The following SGMS1 variants were observed in gnomAD, a reference collection of about 807,000 sequenced individuals.
The protein encoded by SGMS1 is sphingomyelin synthase 1, also known as phosphatidylcholine:ceramide cholinephosphotransferase 1.
SGMS1 carries 13 observed loss-of-function variants against 46.2 expected under a neutral mutation model. The ratio of observed to expected loss-of-function variants is 0.28; its 90% confidence interval spans 0.18 to 0.45. The LOEUF (loss-of-function observed/expected upper bound fraction) is 0.45, where lower values mean the gene tolerates loss of function less well. Ranked by LOEUF, SGMS1 falls within the 20% of genes least tolerant of loss-of-function variation. The pLI is 1.00. For missense variants in SGMS1, 324 were observed against 519.9 expected, an observed-to-expected ratio of 0.62 and a Z score of 3.66; for synonymous variants, 203 against 187.8, an observed-to-expected ratio of 1.08 and a Z score of -0.66.
At position 50,389,834 on chromosome 10, in the gene SGMS1, C is replaced by T. The variant is rs189343096; in HGVS notation, c.-232+43642G>A. Among the ~76,000 whole-genome samples, 629 of 152,280 alleles carry T rather than the reference C, an allele frequency of 4.1e-3. 3 individuals carry two copies. The highest frequency in any genetic ancestry group is 7.2e-3 in the Non-Finnish European group (492 of 68,024). On this transcript the variant is annotated intron_variant, in intron 6 of 10. Coordinates refer to ENST00000361781, the MANE Select transcript of SGMS1 (RefSeq NM_147156.4). ...GTACAAAAATAAATAAATAAATAAA[C>T]TGTTCCTAAGCAATTTAGGAATCAT...
At chr10:50,467,101 T>A (rs140516385) in intron 3 of SGMS1, among the ~76,000 whole-genome samples, 169 bp from the exon 4 acceptor site, 46 of 152,174 alleles carry the variant, frequency 3.0e-4, no homozygotes, top group African/African-American at 1.1e-3. Flanking sequence ...GTCATGGTAT[T>A]CAGAGTACAC....
At chr10:50,495,264 A>G (rs1386609509) in intron 3 of SGMS1, among the ~76,000 whole-genome samples, 2 of 84,766 alleles carry the variant, frequency 2.4e-5, no homozygotes, top group Admixed American at 1.3e-4. Context: ...AAAGTTAAGA[A>G]AAAAAAAAAA....
intron 2 of SGMS1, among the ~76,000 whole-genome samples, chr10:50,565,943 C>T (rs1328059859): frequency 6.6e-6 from 1 of 152,224 alleles, no homozygotes; most frequent in Non-Finnish European, 1.5e-5. Context: ...CTTACAGTGT[C>T]TGAACAGTGT....
chr10:50,320,975 G>A (rs967733835), intron 8 of SGMS1, among the ~76,000 whole-genome samples: 1 of 152,202 alleles, frequency 6.6e-6, no homozygotes, highest in East Asian at 1.9e-4. Context: ...AGAGGGAGAA[G>A]GCGCTTGTCT....
chr10:50,577,191 A>G (rs1469644798), intron 2 of SGMS1, among the ~76,000 whole-genome samples: 2 of 152,212 alleles, frequency 1.3e-5, no homozygotes, highest in Non-Finnish European at 2.9e-5. Context: ...CACTTGTGGC[A>G]GAGGCAACAA....
In SGMS1 at chr10:50,587,635, G is replaced by A. The variant is rs12766096; in HGVS notation, c.-589+2518C>T. The stretch of plus-strand genomic sequence containing the variant: ...CAAGACTGCATCTCAAAATATATAT[G>A]TGTGTGTGTGTGTGTGTGTGTGTGT... On this transcript the variant is annotated intron_variant, in intron 2 of 10. Transcript: ENST00000361781. Among the ~76,000 whole-genome samples the A allele has an allele frequency of 0.013, 1,045 of 81,448 alleles. 9 individuals are homozygous for A. The East Asian group carries it at 0.15, about 12-fold the overall frequency. 53.4% of individuals were successfully genotyped at this position (81,448 alleles called of 152,430 possible).
chr10:50,500,790 T>C lies in SGMS1; in HGVS notation c.-498+19041A>G, dbSNP rs1436416823. Among the ~76,000 whole-genome samples, 4 of 152,324 alleles carry C rather than the reference T, an allele frequency of 2.6e-5. No individual in the cohort carries two copies. The East Asian group carries it at 7.7e-4, about 29-fold the overall frequency. ...TTTTTCTTCCATCCACCCAGAGACA[T>C]GGTTCAAAACATCAGGATGCCTTGA... On this transcript the variant is annotated intron_variant, in intron 3 of 10. Transcript: ENST00000361781.
At chr10:50,536,089 T>C (rs868259750) in intron 2 of SGMS1, among the ~76,000 whole-genome samples, 103 of 152,120 alleles carry the variant, frequency 6.8e-4, no homozygotes, top group African/African-American at 2.3e-3. Context: ...ATCCTAACAC[T>C]TTGGGAGGCT....
chr10:50,408,861 C>T (rs978765105), intron 6 of SGMS1, among the ~76,000 whole-genome samples: 32 of 152,056 alleles, frequency 2.1e-4, no homozygotes, highest in African/African-American at 5.8e-4. Flanking sequence ...GCTGACAGAG[C>T]GAGACTCTAT....
chr10:50,618,667 T>C (rs1229422188), intron 1 of SGMS1, among the ~76,000 whole-genome samples: 2 of 152,196 alleles, frequency 1.3e-5, no homozygotes, highest in African/African-American at 4.8e-5. Flanking sequence ...TCAGGAACCC[T>C]TGTGCACTGA....
intron 6 of SGMS1, among the ~76,000 whole-genome samples, chr10:50,365,596 C>G (rs1484234880): frequency 6.6e-6 from 1 of 152,150 alleles, no homozygotes; most frequent in East Asian, 1.9e-4. Flanking sequence ...CCCCATACCC[C>G]CGACAGGCCC....
intron 3 of SGMS1, among the ~76,000 whole-genome samples, chr10:50,481,163 C>T (rs1278003520): frequency 1.3e-5 from 2 of 152,264 alleles, no homozygotes; most frequent in Non-Finnish European, 2.9e-5. Context: ...CAGCCCAGCA[C>T]ACCCACTTCG....
At chr10:50,624,513 G>A (rs1002705809), upstream of SGMS1, 44 of 867,156 alleles carry the variant, frequency 5.1e-5, no homozygotes, top group African/African-American at 2.2e-4. Context: ...AGCCTCTGGC[G>A]ACGCCTGGGA....
intron 6 of SGMS1, among the ~76,000 whole-genome samples, chr10:50,380,921 T>C (rs1848594100): frequency 6.6e-6 from 1 of 151,932 alleles, no homozygotes; most frequent in Non-Finnish European, 1.5e-5. Context: ...CAGTGACCTC[T>C]TGGGGCCCAA....
In SGMS1 at chr10:50,623,715, G is replaced by A. The variant is rs1406790966; in HGVS notation, c.-692C>T. The A allele has an allele frequency of 9.1e-6, 9 of 985,400 alleles. No homozygotes were observed. The African/African-American group carries it at 1.4e-4, about 15-fold the overall frequency. The allele number at this position is 985,400 out of a possible 1,614,324, so 61.0% of individuals were successfully genotyped here. A position where few individuals can be genotyped will look rare whatever the true frequency, so the allele number is the denominator to read the frequency against. The stretch of plus-strand genomic sequence containing the variant: ...CCTGCCCCACGACTCACTTGCACTG[G>A]AGTCACGGCAGCCGCCGGAATTCCG... On this transcript the variant is annotated 5_prime_UTR_variant, in exon 1 of 11. Transcript: ENST00000361781.
chr10:50,470,396 CT>C (rs1386502848), intron 3 of SGMS1, among the ~76,000 whole-genome samples: 1 of 151,966 alleles, frequency 6.6e-6, no homozygotes, highest in African/African-American at 2.4e-5. Context: ...TAATATCTAA[CT>C]TTCAATAAAC....
intron 5 of SGMS1, among the ~76,000 whole-genome samples, chr10:50,454,581 T>G (rs1260565545): frequency 6.6e-6 from 1 of 152,178 alleles, no homozygotes; most frequent in Non-Finnish European, 1.5e-5. Flanking sequence ...CCAACTTCTC[T>G]CTCTTCAACT....
At chr10:50,547,757 C>A (rs1838113759) in intron 2 of SGMS1, among the ~76,000 whole-genome samples, 1 of 152,130 alleles carries the variant, frequency 6.6e-6, no homozygotes, top group Non-Finnish European at 1.5e-5. Flanking sequence ...ACCTTCAGGC[C>A]AAAATCCTTG....
chr10:50,359,753 G>T (rs941510730), intron 6 of SGMS1, among the ~76,000 whole-genome samples: 3 of 150,928 alleles, frequency 2.0e-5, no homozygotes, highest in Non-Finnish European at 4.4e-5. Flanking sequence ...TTGTACAACA[G>T]AATACCAAGC....
Sources: allele counts gnomAD v4.1 joint callset (sites outside exome capture counted in the v4.1 genomes callset), GRCh38; gene constraint gnomAD v4.1.1; transcripts MANE v1.5; gene names NCBI Gene and HGNC (gene_info 2026-07-23, HGNC 2026-07-21).